Variants in CUL9 observed in about 807,000 individuals in gnomAD.
CUL9 encodes cullin 9, also known as cullin-9.
Under a neutral mutation model 272.6 loss-of-function variants are expected in CUL9, and 79 were observed. That is an observed-to-expected ratio of 0.29 (90% CI 0.24 to 0.35). The LOEUF is 0.35. Ranked by LOEUF, CUL9 falls within the 10% of genes least tolerant of loss-of-function variation. CUL9 has a pLI of 1.00. For missense variants in CUL9, 2,532 were observed against 3,255.6 expected, an observed-to-expected ratio of 0.78 and a Z score of 5.41; for synonymous variants, 1,186 against 1,286.5, an observed-to-expected ratio of 0.92 and a Z score of 1.67.
Position 43,187,053 on chromosome 6 carries a change from GC to G in CUL9, c.1346del (p.Ala449GlufsTer46). ...PEEATEDKAS[A>X]AVEKGAGATV... The stretch of plus-strand genomic sequence containing the variant: ...GGAAGCCACTGAGGATAAGGCTTCA[GC>G]AGCTGTGGAGAAGGGGGCAGGGGCT... On this transcript the variant is annotated frameshift_variant, in exon 5 of 41. Coordinates refer to ENST00000252050, the MANE Select transcript of CUL9 (RefSeq NM_015089.4). LOFTEE classifies it high-confidence loss of function. 1 of 1,614,124 alleles carries G rather than the reference GC, an allele frequency of 6.2e-7. No individual in the cohort carries two copies. Among genetic ancestry groups the G allele is most frequent in the East Asian group, 2.2e-5 (1 of 44,888 alleles).
chr6:43,192,287 A>T (rs999615283), intron 8 of CUL9, among the ~76,000 whole-genome samples: 3 of 151,996 alleles, frequency 2.0e-5, no homozygotes, highest in Middle Eastern at 3.4e-3. Context: ...GGCTCAAGCA[A>T]TTTACCTGCC....
At chr6:43,190,503 A>T (rs1452592379) in intron 8 of CUL9, among the ~76,000 whole-genome samples, 1 of 152,188 alleles carries the variant, frequency 6.6e-6, no homozygotes, top group East Asian at 1.9e-4. Flanking sequence ...GAAAATTATT[A>T]AAATAAAAAT....
In CUL9 at chr6:43,220,555, G is replaced by C; in HGVS notation, c.6379G>C (p.Ala2127Pro). 6.2e-7 allele frequency: 1 copy of C among 1,614,154 alleles called. No homozygotes were observed. The highest frequency in any genetic ancestry group is 8.5e-7 in the Non-Finnish European group (1 of 1,180,022). ...CGACTGCCCCGCCCAGCCCACCGGA[G>C]CCTTCATTCGTGCCATCGTCTCCTC... Reference protein sequence around the residue: ...IADCPAQPTGAFIRAIVSSPE... With the variant: ...IADCPAQPTGPFIRAIVSSPE... Residue 2127 changes from alanine to proline, a missense_variant, in exon 32 of 41, where the codon GCC (alanine) becomes CCC (proline). By Grantham distance (27) the Ala-to-Pro change is conservative. Coordinates refer to ENST00000252050, the MANE Select transcript of CUL9 (RefSeq NM_015089.4). This position sits in a 1 kb window ranked among gnomAD's most constrained non-coding sequence, Gnocchi z 4.9.
chr6:43,182,584 C>T (rs536423325), intron 1 of CUL9, among the ~76,000 whole-genome samples: 1 of 152,070 alleles, frequency 6.6e-6, no homozygotes, highest in South Asian at 2.1e-4. Flanking sequence ...CTCCTACCTC[C>T]TCCTATCCGA....
At position 43,205,253 on chromosome 6, in the gene CUL9, C is replaced by G. The variant is rs759811922; in HGVS notation, c.4633-10C>G. 1.2e-6 allele frequency: 2 copies of G among 1,611,960 alleles called. No homozygotes were observed. The highest frequency in any genetic ancestry group is 4.5e-5 in the East Asian group (2 of 44,786). On this transcript the variant is annotated splice_polypyrimidine_tract_variant and intron_variant, in intron 23 of 40. Coordinates refer to ENST00000252050, the MANE Select transcript of CUL9 (RefSeq NM_015089.4). The stretch of plus-strand genomic sequence containing the variant: ...TCATGGTTTGCTCATGCCCTTTCCC[C>G]TGCCCCCAGATGAGTGAGCAGTTTG...
intron 29 of CUL9, 148 bp from the exon 30 acceptor site, chr6:43,214,931 C>G: frequency 2.4e-6 from 2 of 828,424 alleles, no homozygotes; most frequent in Non-Finnish European, 3.6e-6. Flanking sequence ...GAGCTGTGAT[C>G]AGGCCACTGC....
chr6:43,188,309 C>T (rs1773110202), intron 7 of CUL9, 191 bp downstream of exon 7: 9 of 800,734 alleles, frequency 1.1e-5, no homozygotes. Flanking sequence ...TCCCTTCCTT[C>T]AGTATCTCTG....
rs773263189 is a variant in CUL9, at chr6:43,224,219, C to T, written c.7359-31C>T. ...AGGAGGCAGTGGGACATGGCAGCCTCCTCTGGGCTGAGTGTGGTGGCTCTC... is the reference window on the plus strand; with the variant it reads ...AGGAGGCAGTGGGACATGGCAGCCTTCTCTGGGCTGAGTGTGGTGGCTCTC... On this transcript the variant is annotated intron_variant, in intron 40 of 40. Transcript: ENST00000252050. The surrounding 1 kb of genome is among the most constrained non-coding windows in gnomAD (Gnocchi z 4.2). 4 of 1,614,144 alleles carry T rather than the reference C, an allele frequency of 2.5e-6. No individual in the cohort carries two copies. Among genetic ancestry groups the T allele is most frequent in the South Asian group, 1.1e-5 (1 of 91,076 alleles).
intron 7 of CUL9, 137 bp downstream of exon 7, chr6:43,188,255 C>A: frequency 1.0e-6 from 1 of 1,001,220 alleles, no homozygotes; most frequent in South Asian, 1.7e-5. Flanking sequence ...ACCATGCGTC[C>A]ATCTTCTTCC....
At chr6:43,222,721 G>A in intron 37 of CUL9, 58 bp from the exon 38 acceptor site, 1 of 1,606,680 alleles carries the variant, frequency 6.2e-7, no homozygotes, top group Non-Finnish European at 8.5e-7. Flanking sequence ...CATCGGACTT[G>A]CCTGGGTGAA....
intron 8 of CUL9, among the ~76,000 whole-genome samples, chr6:43,191,252 T>TTGTG (rs58122260): frequency 0.11 from 13,852 of 126,740 alleles, 829 homozygotes; most frequent in Non-Finnish European, 0.13. Context: ...CTAAATTGCA[T>TTGTG]TGTGTGTGTG....
Position 43,223,017 on chromosome 6 carries a change from C to T in CUL9, c.7150+121C>T. 1 of 931,858 alleles carries T rather than the reference C, an allele frequency of 1.1e-6. No individual in the cohort carries two copies. The highest frequency in any genetic ancestry group is 1.6e-5 in the South Asian group (1 of 64,056). The allele number at this position is 931,858 out of a possible 1,614,324, so 57.7% of individuals were successfully genotyped here. On this transcript the variant is annotated intron_variant, in intron 38 of 40. Coordinates refer to ENST00000252050, the MANE Select transcript of CUL9 (RefSeq NM_015089.4). This position sits in a 1 kb window ranked among gnomAD's most constrained non-coding sequence, Gnocchi z 4.1. ...TCCCTCTCTCCTCTTCCTCTTCATT[C>T]TTCATGGCCTTCTCACTGCCTGGCT...
At position 43,200,110 on chromosome 6, in the gene CUL9, A is replaced by G. The variant is rs773901958; in HGVS notation, c.3338A>G (p.Gln1113Arg). ...GTGACAGAGTGTGAGAAGTACGCAC[A>G]GCTCTATAGCAACCTCACCTCCAGC... is the stretch of plus-strand genomic sequence containing the variant. ...DLVTECEKYA[Q>R]LYSNLTSSIL... The change falls in exon 14 of 41, where the codon CAG becomes CGG. Residue 1113 changes from glutamine to arginine, a missense_variant. Gln to Arg is a conservative substitution (Grantham distance 43). This residue lies in a region of CUL9 where 2,218 missense variants were observed against 2,788.6 expected (regional missense o/e 0.80). Transcript: ENST00000252050. This position sits in a 1 kb window ranked among gnomAD's most constrained non-coding sequence, Gnocchi z 4.0. 3 of 1,614,240 alleles carry G rather than the reference A, an allele frequency of 1.9e-6. No individual in the cohort carries two copies. Among genetic ancestry groups the G allele is most frequent in the Non-Finnish European group, 2.5e-6 (3 of 1,180,032 alleles).
At chr6:43,191,013 CTT>C (rs1773412079) in intron 8 of CUL9, among the ~76,000 whole-genome samples, 1 of 151,990 alleles carries the variant, frequency 6.6e-6, no homozygotes, top group Non-Finnish European at 1.5e-5. Context: ...GAGTTTCAGA[CTT>C]TTTGTTGCTA....
Position 43,186,096 on chromosome 6 carries a change from C to T in CUL9, c.892C>T (p.Arg298Trp), listed in dbSNP as rs762056197. The stretch of plus-strand genomic sequence containing the variant: ...CACAAGAGAGAAAAGCCGGGGACAG[C>T]GGGAACTGGAGTTCAGCATGGCTGT... ...CATREKSRGQRELEFSMAVGN... is the reference protein window; with the variant it reads ...CATREKSRGQWELEFSMAVGN... Residue 298 changes from arginine (R) to tryptophan (W), a missense_variant, in exon 4 of 41, where the codon CGG becomes TGG. Physicochemically the swap from Arg to Trp is moderately radical, Grantham distance 101. Around this residue, in one of 3 missense-constraint regions of CUL9, gnomAD observed 2,218 missense variants for 2,788.6 expected, o/e 0.80. Transcript: ENST00000252050. The T allele has an allele frequency of 7.4e-6, 12 of 1,614,218 alleles. No homozygotes were observed. Among genetic ancestry groups the T allele is most frequent in the South Asian group, 6.6e-5 (6 of 91,082 alleles).
intron 20 of CUL9, 83 bp from the exon 21 acceptor site, chr6:43,204,277 A>G: frequency 6.6e-7 from 1 of 1,524,052 alleles, no homozygotes; most frequent in Non-Finnish European, 9.0e-7. Context: ...TTTTTGTACA[A>G]TTGATCTTTC....
At chr6:43,185,362 T>C (rs574859380) in intron 2 of CUL9, 94 bp from the exon 3 acceptor site, 44 of 1,353,038 alleles carry the variant, frequency 3.3e-5, no homozygotes, top group Non-Finnish European at 4.4e-5. Flanking sequence ...GTAACAAAGT[T>C]TGAAAGCGTC....
At chr6:43,210,994 C>G (rs1342354205) in intron 26 of CUL9, among the ~76,000 whole-genome samples, 1 of 151,876 alleles carries the variant, frequency 6.6e-6, no homozygotes, top group Non-Finnish European at 1.5e-5. Context: ...AACTGAATAC[C>G]CTTGTATTTT....
chr6:43,198,662 C>G lies in CUL9; in HGVS notation c.2857C>G (p.Arg953Gly). The G allele has an allele frequency of 1.2e-6, 2 of 1,613,954 alleles. No homozygotes were observed. Among genetic ancestry groups the G allele is most frequent in the South Asian group, 2.2e-5 (2 of 91,064 alleles). ...GGATGGGTCCCCTGAGCTACTGATTCGATCCCTGGTTGGGGGCCCATCTGC... is the reference window on the plus strand; with the variant it reads ...GGATGGGTCCCCTGAGCTACTGATTGGATCCCTGGTTGGGGGCCCATCTGC... The part of the protein sequence containing the change: ...GQDGSPELLI[R>G]SLVGGPSAEL... The change falls in exon 12 of 41, where the codon CGA becomes GGA. Residue 953 changes from arginine (R) to glycine (G), a missense_variant. Around this residue, in one of 3 missense-constraint regions of CUL9, gnomAD observed 2,218 missense variants for 2,788.6 expected, o/e 0.80. Coordinates refer to ENST00000252050, the MANE Select transcript of CUL9 (RefSeq NM_015089.4).
Sources: gnomAD v4.1 joint callset for allele counts (sites outside exome capture counted in the v4.1 genomes callset) on GRCh38, gnomAD v4.1.1 for gene constraint, gnomAD v4.1.1 regional missense constraint, Gnocchi (gnomAD v3.1) non-coding constraint, MANE v1.5 for transcripts, NCBI Gene and HGNC (gene_info 2026-07-23, HGNC 2026-07-21) for gene names.